PKHD1L1: variants seen among roughly 807,000 people sequenced by gnomAD.
The protein encoded by PKHD1L1 is fibrocystin-L.
Under a neutral mutation model 462.9 loss-of-function variants are expected in PKHD1L1, and 434 were observed. That is an observed-to-expected ratio of 0.94 (90% confidence interval 0.87 to 1.02). The LOEUF (loss-of-function observed/expected upper bound fraction) is 1.02, where lower values mean the gene tolerates loss of function less well. Ranked by LOEUF, PKHD1L1 falls within the 50% of genes least tolerant of loss-of-function variation. The pLI is 0.00. For missense variants in PKHD1L1, 5,202 were observed against 5,096.1 expected, an observed-to-expected ratio of 1.02 and a Z score of -0.63; for synonymous variants, 1,781 against 1,750.0, an observed-to-expected ratio of 1.02 and a Z score of -0.44.
At chr8:109,529,674 C>A (rs1484128620) in intron 77 of PKHD1L1, among the ~76,000 whole-genome samples, 2 of 138,216 alleles carry the variant, frequency 1.4e-5, no homozygotes, top group Non-Finnish European at 3.0e-5. Flanking sequence ...TAATCAATGG[C>A]TTCTTCTTTG....
chr8:109,450,941 C>T (rs1487923452), intron 40 of PKHD1L1, 34 bp from the exon 41 acceptor site: 3 of 1,552,388 alleles, frequency 1.9e-6, no homozygotes, highest in African/African-American at 2.7e-5. Flanking sequence ...GGCCCGATGG[C>T]AGAACTGCAT....
chr8:109,515,123 A>C, intron 71 of PKHD1L1, 47 bp from the exon 72 acceptor site: 1 of 1,386,096 alleles, frequency 7.2e-7, no homozygotes, highest in South Asian at 1.4e-5. Flanking sequence ...GCTAAATTAC[A>C]AATATTCTAT....
At chr8:109,373,186 G>T (rs1376101565) in intron 2 of PKHD1L1, among the ~76,000 whole-genome samples, 1 of 152,144 alleles carries the variant, frequency 6.6e-6, no homozygotes, top group South Asian at 2.1e-4. Flanking sequence ...TTCAGAGCCT[G>T]TTATTGGTCT....
rs1816273320 is a variant in PKHD1L1, at chr8:109,448,267, C to T, written c.5901C>T (p.Cys1967=). 6.2e-7 allele frequency: 1 copy of T among 1,613,508 alleles called. No individual in the cohort carries two copies. The highest frequency in any genetic ancestry group is 2.2e-5 in the East Asian group (1 of 44,846). ...VTMANDSVVQ[C]IVGDHAGGTF... is the part of the protein sequence containing the mutation. ...TGGCCAATGATAGTGTGGTGCAGTG[C>T]ATCGTGGGAGATCATGCTGGGGGCA... is the stretch of plus-strand genomic sequence containing the variant. The change falls in exon 39 of 78, where the codon TGC becomes TGT. Residue 1967 remains cysteine (C), a synonymous_variant. Transcript: ENST00000378402.
intron 27 of PKHD1L1, among the ~76,000 whole-genome samples, chr8:109,431,824 T>C (rs1815119453): frequency 6.6e-6 from 1 of 152,212 alleles, no homozygotes; most frequent in African/African-American, 2.4e-5. Flanking sequence ...AGAGCTTCTT[T>C]AGAGTATATA....
intron 50 of PKHD1L1, among the ~76,000 whole-genome samples, chr8:109,469,581 G>A (rs1817618331): frequency 2.0e-5 from 3 of 152,272 alleles, no homozygotes; most frequent in South Asian, 4.1e-4. Context: ...AAACCTAAGT[G>A]TGCAGTGCCA....
Position 109,445,009 on chromosome 8 carries a change from A to G in PKHD1L1, c.5140A>G (p.Thr1714Ala). Residue 1714 changes from threonine to alanine, a missense_variant, in exon 38 of 78, where the codon ACA becomes GCA. Coordinates refer to ENST00000378402, the MANE Select transcript of PKHD1L1 (RefSeq NM_177531.6). ...GAATTATACGGCCATTGAATGTGAA[A>G]CATCCCCTGCTGCCCAACAGCTTGT... ...SVNYTAIECE[T>A]SPAAQQLVDV... 1 of 1,613,968 alleles carries G rather than the reference A, an allele frequency of 6.2e-7. No homozygotes were observed. Among genetic ancestry groups the G allele is most frequent in the Non-Finnish European group, 8.5e-7 (1 of 1,179,876 alleles).
At chr8:109,527,522 T>C (rs1470456020) in intron 77 of PKHD1L1, among the ~76,000 whole-genome samples, 1 of 151,966 alleles carries the variant, frequency 6.6e-6, no homozygotes, top group Non-Finnish European at 1.5e-5. Context: ...AATAAATACG[T>C]ATGTAAATAA....
chr8:109,385,301 G>C (rs553984944), intron 5 of PKHD1L1, among the ~76,000 whole-genome samples: 1 of 149,734 alleles, frequency 6.7e-6, no homozygotes, highest in South Asian at 2.1e-4. Flanking sequence ...TGTACTTGTG[G>C]AATACCATCC....
At chr8:109,517,354 T>C (rs1164957495) in intron 72 of PKHD1L1, among the ~76,000 whole-genome samples, 1 of 152,178 alleles carries the variant, frequency 6.6e-6, no homozygotes, top group Non-Finnish European at 1.5e-5. Flanking sequence ...AAATTCCTTC[T>C]TCTTCCTAAA....
chr8:109,452,723 T>A lies in PKHD1L1; in HGVS notation c.6513T>A (p.Asn2171Lys). The A allele has an allele frequency of 1.3e-6, 2 of 1,528,234 alleles. No homozygotes were observed. Among genetic ancestry groups the A allele is most frequent in the Middle Eastern group, 1.7e-4 (1 of 5,916 alleles). 94.7% of individuals were successfully genotyped at this position (1,528,234 alleles called of 1,614,324 possible). ...IRGVGMAKLD[N>K]ADFLYVDAWS... ...TCTCTTATGTTCTATTACAGGATAATGCTGACTTTCTTTATGTTGATGCCT... is the reference window on the plus strand; with the variant it reads ...TCTCTTATGTTCTATTACAGGATAAAGCTGACTTTCTTTATGTTGATGCCT... The change falls in exon 43 of 78, where the codon AAT (asparagine) becomes AAA (lysine). Residue 2171 changes from asparagine (N) to lysine (K), a missense_variant. Physicochemically the swap from Asn to Lys is moderately conservative, Grantham distance 94. Coordinates refer to ENST00000378402, the MANE Select transcript of PKHD1L1 (RefSeq NM_177531.6).
rs1815943436 is a variant in PKHD1L1 at position 109,443,668 on chromosome 8, G to A, written c.4565-8G>A. The A allele has an allele frequency of 1.2e-6, 2 of 1,605,360 alleles. No homozygotes were observed. The highest frequency in any genetic ancestry group is 2.2e-5 in the East Asian group (1 of 44,794). On this transcript the variant is annotated splice_region_variant and splice_polypyrimidine_tract_variant and intron_variant, in intron 36 of 77. Coordinates refer to ENST00000378402, the MANE Select transcript of PKHD1L1 (RefSeq NM_177531.6). ...TCATGACTTAACGGGCAGTTCTTTT[G>A]TCTAAAGGAGGACCTGAGAATTTGC...
In PKHD1L1 at chr8:109,388,547, A is replaced by AT; in HGVS notation, c.623dup (p.Leu208PhefsTer19). 1 of 1,502,214 alleles carries AT rather than the reference A, an allele frequency of 6.7e-7. No homozygotes were observed. The highest frequency in any genetic ancestry group is 9.1e-7 in the Non-Finnish European group (1 of 1,103,908). 93.1% of individuals were successfully genotyped at this position (1,502,214 alleles called of 1,614,324 possible). On this transcript the variant is annotated frameshift_variant, in exon 7 of 78. Coordinates refer to ENST00000378402, the MANE Select transcript of PKHD1L1 (RefSeq NM_177531.6). LOFTEE classifies it high-confidence loss of function. ...GAGCTTCTCATACCACAATCTGATA[A>AT]TTTGTAAGTAATTCAAATTATTTTC...
intron 17 of PKHD1L1, 129 bp from the exon 18 acceptor site, chr8:109,407,920 A>T (rs1379364): frequency 0.3 from 140,263 of 469,740 alleles, 22,407 homozygotes; most frequent in Admixed American, 0.44. Context: ...CTTTTCTGAT[A>T]ATGGAGCACC....
chr8:109,427,981 C>T (rs1814857040), intron 25 of PKHD1L1, among the ~76,000 whole-genome samples: 1 of 140,224 alleles, frequency 7.1e-6, no homozygotes. Context: ...TGTGCCATTG[C>T]CATTGCACTC....
chr8:109,386,535 G>A (rs1812452851), intron 6 of PKHD1L1, among the ~76,000 whole-genome samples: 1 of 152,062 alleles, frequency 6.6e-6, no homozygotes, highest in East Asian at 1.9e-4. Context: ...GTTTTAATGA[G>A]TGAAATAAAG....
chr8:109,412,515 A>G, intron 20 of PKHD1L1, 101 bp downstream of exon 20: 1 of 1,257,188 alleles, frequency 8.0e-7, no homozygotes, highest in South Asian at 1.6e-5. Context: ...CCATATAAAT[A>G]GTATGTCATA....
chr8:109,501,957 A>G (rs959905011), intron 67 of PKHD1L1, among the ~76,000 whole-genome samples: 1 of 152,028 alleles, frequency 6.6e-6, no homozygotes, highest in African/African-American at 2.4e-5. Context: ...CCAGGAGTCC[A>G]TATTTATCCT....
intron 6 of PKHD1L1, among the ~76,000 whole-genome samples, chr8:109,387,175 T>C (rs1391783684): frequency 6.6e-6 from 1 of 152,174 alleles, no homozygotes; most frequent in African/African-American, 2.4e-5. Context: ...TCAGGAGACC[T>C]GCTTCTCACA....
Sources: gnomAD v4.1 joint callset for allele counts (sites outside exome capture counted in the v4.1 genomes callset) on GRCh38, gnomAD v4.1.1 for gene constraint, MANE v1.5 for transcripts, NCBI Gene and HGNC (gene_info 2026-07-23, HGNC 2026-07-21) for gene names.